KLC1: variants seen among roughly 807,000 people sequenced by gnomAD.
KLC1 encodes the protein kinesin 2 60/70kDa.
Under a neutral mutation model 84.2 loss-of-function variants are expected in KLC1, and 30 were observed. The ratio of observed to expected loss-of-function variants is 0.36; its 90% confidence interval spans 0.27 to 0.48. The LOEUF is 0.48. Among genes scored for constraint, KLC1 ranks in the 20% least tolerant of loss-of-function variants. The pLI is 0.99. For missense variants in KLC1, 499 were observed against 805.4 expected (o/e 0.62, Z 4.60); for synonymous variants, 289 against 293.3 (o/e 0.99, Z 0.15).
At chr14:103,661,704 G>A (rs972805450) in intron 3 of KLC1, among the ~76,000 whole-genome samples, 16 of 152,144 alleles carry the variant, frequency 1.1e-4, no homozygotes, top group Non-Finnish European at 1.8e-4. Flanking sequence ...GCCGATTGTG[G>A]TGGTGAGGAA....
rs555023649 is a variant in KLC1 at position 103,700,911 on chromosome 14, T to G, written c.*1+184T>G. ...TCATGCAAGCCCAAGGGCCACAGAGTGGGGGGGTGGGAATGGCACCAGGCT... is the reference window on the plus strand; with the variant it reads ...TCATGCAAGCCCAAGGGCCACAGAGGGGGGGGGTGGGAATGGCACCAGGCT... On this transcript the variant is annotated intron_variant, in intron 16 of 16. Transcript: ENST00000334553. Among the ~76,000 whole-genome samples the G allele has an allele frequency of 7.2e-5, 11 of 151,904 alleles. No individual in the cohort carries two copies. The East Asian group carries it at 1.2e-3, about 16-fold the overall frequency.
At chr14:103,655,090 G>A (rs1042185698) in intron 2 of KLC1, among the ~76,000 whole-genome samples, 1 of 151,950 alleles carries the variant, frequency 6.6e-6, no homozygotes. Context: ...AGCCGGGCCT[G>A]GTGGCTGGCG....
chr14:103,668,630 G>T (rs1217076447), intron 5 of KLC1, among the ~76,000 whole-genome samples: 1 of 150,902 alleles, frequency 6.6e-6, no homozygotes, highest in Non-Finnish European at 1.5e-5. Flanking sequence ...GGCGCATGCT[G>T]CCATGCCCGG....
At chr14:103,695,086 C>T in intron 15 of KLC1, 1 of 985,122 alleles carries the variant, frequency 1.0e-6, no homozygotes, top group African/African-American at 1.7e-5. Context: ...ATTCTAAATG[C>T]TACATAGAGG....
At chr14:103,655,879 TA>T (rs1247269053) in intron 2 of KLC1, among the ~76,000 whole-genome samples, 1 of 152,234 alleles carries the variant, frequency 6.6e-6, no homozygotes, top group African/African-American at 2.4e-5. Context: ...AAATAGTGGA[TA>T]CTGCTGTGTA....
At chr14:103,655,099 C>T (rs571727432) in intron 2 of KLC1, among the ~76,000 whole-genome samples, 52 of 151,726 alleles carry the variant, frequency 3.4e-4, no homozygotes, top group Non-Finnish European at 4.4e-4. Flanking sequence ...TGGTGGCTGG[C>T]GTGTGTAATC....
At chr14:103,665,983 G>C (rs570442065) in intron 5 of KLC1, among the ~76,000 whole-genome samples, 2 of 151,802 alleles carry the variant, frequency 1.3e-5, no homozygotes, top group Middle Eastern at 6.8e-3. Context: ...TGAATTTCCT[G>C]TTACCTTGCA....
At chr14:103,633,257 C>A (rs552322038) in intron 1 of KLC1, among the ~76,000 whole-genome samples, 1 of 152,188 alleles carries the variant, frequency 6.6e-6, no homozygotes, top group South Asian at 2.1e-4. Context: ...CGGGGTTTCA[C>A]CACGTTAGCC....
intron 12 of KLC1, among the ~76,000 whole-genome samples, chr14:103,677,728 G>A (rs548786922): frequency 7.6e-4 from 116 of 152,274 alleles, no homozygotes; most frequent in Non-Finnish European, 1.4e-3. Flanking sequence ...GGAGGCCAGC[G>A]TGGGCAGATC....
Position 103,698,593 on chromosome 14 carries a change from G to A in KLC1, c.1849-2062G>A. On this transcript the variant is annotated intron_variant, in intron 15 of 16. Coordinates refer to ENST00000334553, the MANE Select transcript of KLC1 (RefSeq NM_001394837.1). ...GCAAGCGGGCCTGTCCCCAGACCCA[G>A]GGAGAGGCAGAACATCCCCCCAGCT... 1.5e-5 allele frequency: 9 copies of A among 612,992 alleles called. 1 individual carries two copies. In the South Asian group the frequency reaches 1.7e-4, roughly 12 times the overall value. 38.0% of individuals were successfully genotyped at this position (612,992 alleles called of 1,614,324 possible).
chr14:103,666,915 T>G (rs2151629299), intron 5 of KLC1, among the ~76,000 whole-genome samples: 1 of 152,034 alleles, frequency 6.6e-6, no homozygotes, highest in African/African-American at 2.4e-5. Context: ...TAGTTGGGAT[T>G]ACAGGTGCCC....
At chr14:103,691,458 CTTTTTTT>C (rs71126053) in intron 14 of KLC1, among the ~76,000 whole-genome samples, 7 of 68,832 alleles carry the variant, frequency 1.0e-4, no homozygotes, top group African/African-American at 1.3e-4. Context: ...CCACGCCTGG[CTTTTTTT>C]TTTTTTTTTT....
intron 13 of KLC1, chr14:103,685,028 C>T (rs1455723829): frequency 3.4e-6 from 5 of 1,459,264 alleles, no homozygotes; most frequent in East Asian, 2.5e-5. Flanking sequence ...ACTTGCTCAG[C>T]GTCCCATGGT....
chr14:103,657,777 G>T lies in KLC1; in HGVS notation c.492+1G>T. The T allele has an allele frequency of 6.2e-7, 1 of 1,606,760 alleles. No individual in the cohort carries two copies. The highest frequency in any genetic ancestry group is 8.5e-7 in the Non-Finnish European group (1 of 1,173,854). ...ATATGATGACGACATTTCCCCATCC[G>T]TGAGTGGCTCTGTAGCAAATGTGGT... On this transcript the variant is annotated splice_donor_variant, in intron 3 of 16. Transcript: ENST00000334553. LOFTEE classifies it high-confidence loss of function.
Position 103,693,417 on chromosome 14 carries a change from C to T in KLC1, c.1848+992C>T. On this transcript the variant is annotated intron_variant, in intron 15 of 16. Transcript: ENST00000334553. The surrounding 1 kb of genome is among the most constrained non-coding windows in gnomAD (Gnocchi z 5.1). Reference sequence around the variant, plus strand: ...CAGTTTCTTGGAGTTTCTACATGCACATTGACCCCTGGGCCTCTCGAGTGC... The same window carrying T: ...CAGTTTCTTGGAGTTTCTACATGCATATTGACCCCTGGGCCTCTCGAGTGC... The T allele has an allele frequency of 4.4e-6, 6 of 1,363,704 alleles. No individual in the cohort carries two copies. The highest frequency in any genetic ancestry group is 5.9e-6 in the Non-Finnish European group (6 of 1,014,596). The allele number at this position is 1,363,704 out of a possible 1,614,324, so 84.5% of individuals were successfully genotyped here.
chr14:103,668,167 C>T (rs768949928), intron 5 of KLC1, among the ~76,000 whole-genome samples: 5 of 152,232 alleles, frequency 3.3e-5, no homozygotes, highest in South Asian at 4.1e-4. Flanking sequence ...CGTGAGGTCA[C>T]GTAATGCACC....
Position 103,695,902 on chromosome 14 carries a change from A to G in KLC1, c.1848+3477A>G, listed in dbSNP as rs1249386206. The stretch of plus-strand genomic sequence containing the variant: ...TGAGTACCTGAGTCCCCGATGTTTG[A>G]ACCCTTCCACCCAATAGAAGTGCGG... On this transcript the variant is annotated intron_variant, in intron 15 of 16. Coordinates refer to ENST00000334553, the MANE Select transcript of KLC1 (RefSeq NM_001394837.1). The G allele has an allele frequency of 1.4e-5, 14 of 985,212 alleles. 1 individual carries two copies. In the Admixed American group the frequency reaches 8.6e-4, roughly 61 times the overall value. The allele number at this position is 985,212 out of a possible 1,614,324, so 61.0% of individuals were successfully genotyped here.
At chr14:103,670,759 C>G (rs2080310022) in intron 7 of KLC1, among the ~76,000 whole-genome samples, 1 of 151,870 alleles carries the variant, frequency 6.6e-6, no homozygotes, top group South Asian at 2.1e-4. Context: ...CAAAACAAAG[C>G]CAGATTGGCC....
rs531578661 is a variant in KLC1, at chr14:103,670,135, A to G, written c.886-47A>G. On this transcript the variant is annotated intron_variant, in intron 6 of 16. Coordinates refer to ENST00000334553, the MANE Select transcript of KLC1 (RefSeq NM_001394837.1). ...ATATGTGGTGTATAAATGTACTCTT[A>G]TTTGGTTATCTTTTACCATTCTTAG... 6.6e-4 allele frequency: 876 copies of G among 1,318,524 alleles called. 19 individuals carry two copies. In the South Asian group the frequency reaches 9.8e-3, roughly 15 times the overall value. 81.7% of individuals were successfully genotyped at this position (1,318,524 alleles called of 1,614,324 possible). A position where few individuals can be genotyped will look rare whatever the true frequency, so the allele number is the denominator to read the frequency against.
Sources: allele counts gnomAD v4.1 joint callset (sites outside exome capture counted in the v4.1 genomes callset), GRCh38; gene constraint gnomAD v4.1.1; non-coding constraint Gnocchi (gnomAD v3.1); transcripts MANE v1.5; gene names NCBI Gene and HGNC (gene_info 2026-07-23, HGNC 2026-07-21).